Variants in UTP14A observed in about 807,000 individuals in gnomAD.
UTP14A encodes UTP14A small subunit processome component, also known as U3 small nucleolar RNA-associated protein 14 homolog A.
In UTP14A, 5 loss-of-function variants were observed where a neutral mutation model predicts 57.2. The ratio of observed to expected loss-of-function variants is 0.09; its 90% confidence interval spans 0.05 to 0.18. The LOEUF is 0.18. UTP14A is among the 10% of genes least tolerant of loss of function. The pLI is 1.00. For synonymous variants in UTP14A, 169 were observed against 210.9 expected (o/e 0.80, Z 1.72); for missense variants, 430 against 562.1 (o/e 0.76, Z 2.38).
rs1569340699 is a variant in UTP14A, at chrX:129,924,927, C to T, written c.1481C>T (p.Pro494Leu). ...IPQVQREEPA[P>L]EEEEPLLLQR... ...CAGGTCCAGAGAGAGGAACCTGCCCCAGAAGAAGAGGAGCCCCTGTTGCTA... is the reference window on the plus strand; with the variant it reads ...CAGGTCCAGAGAGAGGAACCTGCCCTAGAAGAAGAGGAGCCCCTGTTGCTA... Residue 494 changes from proline to leucine, a missense_variant, in exon 12 of 15, where the codon CCA becomes CTA. This residue lies in a region of UTP14A where 120 missense variants were observed against 116.8 expected (regional missense o/e 1.03). Coordinates refer to ENST00000394422, the MANE Select transcript of UTP14A (RefSeq NM_006649.4). 2.5e-6 allele frequency: 3 copies of T among 1,211,396 alleles called. No individual in the cohort carries two copies. The East Asian group carries it at 8.9e-5, about 36-fold the overall frequency.
At chrX:129,924,678 TC>T (rs1930035978) in intron 11 of UTP14A, 116 bp from the exon 12 acceptor site, 1 of 905,005 alleles carries the variant, frequency 1.1e-6, no homozygotes, top group Non-Finnish European at 1.5e-6. Context: ...TCCCCGTTTG[TC>T]CTTTTTATAA....
chrX:129,929,525 T>C lies in UTP14A; in HGVS notation c.2233T>C (p.Ser745Pro). 8.3e-7 allele frequency: 1 copy of C among 1,211,332 alleles called. No homozygotes were observed. Among genetic ancestry groups the C allele is most frequent in the Non-Finnish European group, 1.1e-6 (1 of 895,398 alleles). Residue 745 changes from serine to proline, a missense_variant, in exon 15 of 15, where the codon TCG becomes CCG. Ser to Pro is a moderately conservative substitution (Grantham distance 74). Coordinates refer to ENST00000394422, the MANE Select transcript of UTP14A (RefSeq NM_006649.4). ...CGTGGGCTACCGGTCTTCCTCAAGGTCGGACCTGTCTGTCATACAGAGGAA... is the reference window on the plus strand; with the variant it reads ...CGTGGGCTACCGGTCTTCCTCAAGGCCGGACCTGTCTGTCATACAGAGGAA... ...EDVGYRSSSR[S>P]DLSVIQRNPK...
Position 129,929,191 on chromosome X carries a change from C to G in UTP14A, c.2044-145C>G, listed in dbSNP as rs1281855987. The G allele has an allele frequency of 5.9e-5, 43 of 728,937 alleles. No individual in the cohort carries two copies. In the South Asian group the frequency reaches 1.2e-3, roughly 20 times the overall value. The allele number at this position is 728,937 out of a possible 1,213,427, so 60.1% of individuals were successfully genotyped here. On this transcript the variant is annotated intron_variant, in intron 14 of 14. Transcript: ENST00000394422. The stretch of plus-strand genomic sequence containing the variant: ...CTAAGGGCAGATGGGAGCAATGGGA[C>G]GCCTTGACCTCTCAGTCTCTTCACT...
intron 12 of UTP14A, among the ~76,000 whole-genome samples, chrX:129,925,514 A>G (rs1417712923): frequency 9.0e-6 from 1 of 111,598 alleles, no homozygotes; most frequent in Non-Finnish European, 1.9e-5. Context: ...CTGTTGCGAA[A>G]GTTTTATTCA....
intron 11 of UTP14A, chrX:129,922,804 C>A (rs1332620724): frequency 9.1e-6 from 1 of 109,484 alleles, no homozygotes; most frequent in Non-Finnish European, 1.9e-5. Flanking sequence ...ATTATAGGGA[C>A]CTTTACTTAA....
intron 4 of UTP14A, 107 bp downstream of exon 4, chrX:129,908,841 C>T (rs1004556282): frequency 1.7e-5 from 12 of 722,108 alleles, no homozygotes; most frequent in Non-Finnish European, 2.6e-5. Context: ...GTTAATGACT[C>T]ATACCATAAA....
intron 6 of UTP14A, among the ~76,000 whole-genome samples, chrX:129,913,913 G>A (rs1287529938): frequency 7.2e-5 from 8 of 111,407 alleles, no homozygotes; most frequent in South Asian, 7.6e-4. Context: ...CCTGGGAGGC[G>A]GAGGTTGCAG....
chrX:129,928,763 A>C (rs1930209417), intron 14 of UTP14A, among the ~76,000 whole-genome samples: 2 of 111,274 alleles, frequency 1.8e-5, no homozygotes, highest in South Asian at 7.5e-4. Context: ...CAAAAAACAA[A>C]AAAAAAATAT....
intron 4 of UTP14A, 71 bp downstream of exon 4, chrX:129,908,805 C>T (rs1201773403): frequency 9.9e-7 from 1 of 1,008,286 alleles, no homozygotes; most frequent in South Asian, 1.9e-5. Flanking sequence ...TTCACCTCAC[C>T]CCCCCTAGGA....
intron 7 of UTP14A, 28 bp from the exon 8 acceptor site, chrX:129,919,367 G>C: frequency 1.7e-6 from 2 of 1,211,480 alleles, no homozygotes; most frequent in African/African-American, 1.7e-5. Flanking sequence ...TCTGGCCCAG[G>C]TGTCACTGTA....
intron 6 of UTP14A, among the ~76,000 whole-genome samples, chrX:129,916,516 G>A (rs1929700880): frequency 9.0e-6 from 1 of 111,276 alleles, no homozygotes; most frequent in African/African-American, 3.3e-5. Flanking sequence ...CTCCCTCTCC[G>A]CCAGCTTATA....
At position 129,906,244 on chromosome X, in the gene UTP14A, G is replaced by A; in HGVS notation, c.26+8G>A. ...GAACCGGCTTGCAGAGAGGTGAAGG[G>A]CAACGAGGGGAGGGGGGATTCTGGG... On this transcript the variant is annotated splice_region_variant and intron_variant, in intron 1 of 14. Transcript: ENST00000394422. 1 of 1,201,462 alleles carries A rather than the reference G, an allele frequency of 8.3e-7. No homozygotes were observed. Among genetic ancestry groups the A allele is most frequent in the Non-Finnish European group, 1.1e-6 (1 of 888,885 alleles).
At chrX:129,914,591 C>T (rs1269980630) in intron 6 of UTP14A, among the ~76,000 whole-genome samples, 1 of 110,437 alleles carries the variant, frequency 9.1e-6, no homozygotes, top group Non-Finnish European at 1.9e-5. Flanking sequence ...CCCGCCCTCC[C>T]CCAAAAAAAA....
chrX:129,907,689 G>C (rs1422115665), intron 2 of UTP14A, among the ~76,000 whole-genome samples: 1 of 112,428 alleles, frequency 8.9e-6, no homozygotes, highest in Non-Finnish European at 1.9e-5. Context: ...CCGGGTGATG[G>C]CTCATGCCTG....
In UTP14A at chrX:129,926,008, G is replaced by A. The variant is rs760327965; in HGVS notation, c.1839G>A (p.Arg613=). 3.3e-6 allele frequency: 4 copies of A among 1,210,010 alleles called. No homozygotes were observed. The African/African-American group carries it at 5.2e-5, about 16-fold the overall frequency. The part of the protein sequence containing the change: ...DVIRDFLKEK[R]EAVEASKPKD... ...TCAGAGATTTCTTGAAAGAGAAGAG[G>A]GAAGCTGTGGAGGCGAGTAAGCCAA... is the stretch of plus-strand genomic sequence containing the variant. The change falls in exon 13 of 15, where the codon AGG becomes AGA. Residue 613 remains arginine (R), a synonymous_variant. Transcript: ENST00000394422.
At chrX:129,925,768 A>C (rs1241067308) in intron 12 of UTP14A, 151 bp from the exon 13 acceptor site, 2 of 650,181 alleles carry the variant, frequency 3.1e-6, no homozygotes, top group Non-Finnish European at 4.6e-6. Flanking sequence ...TTTGAGCATG[A>C]TTGGCTGTGC....
intron 11 of UTP14A, 147 bp from the exon 12 acceptor site, chrX:129,924,648 C>G: frequency 1.4e-6 from 1 of 739,605 alleles, no homozygotes; most frequent in Non-Finnish European, 2.0e-6. Flanking sequence ...CTAGGAGATT[C>G]AATGTACAGA....
intron 10 of UTP14A, 188 bp downstream of exon 10, chrX:129,920,940 A>G (rs1449247994): frequency 1.3e-6 from 1 of 752,803 alleles, no homozygotes; most frequent in African/African-American, 2.3e-5. Context: ...AACAGCATTG[A>G]AGGCAAGTCC....
intron 5 of UTP14A, 151 bp downstream of exon 5, chrX:129,911,301 T>G: frequency 2.5e-6 from 2 of 805,546 alleles, no homozygotes; most frequent in Non-Finnish European, 1.7e-6. Flanking sequence ...AATCTAGGAG[T>G]GCCAGGCGCG....
Sources: allele counts gnomAD v4.1 joint callset (sites outside exome capture counted in the v4.1 genomes callset), GRCh38; gene constraint gnomAD v4.1.1; regional missense constraint gnomAD v4.1.1; transcripts MANE v1.5; gene names NCBI Gene and HGNC (gene_info 2026-07-23, HGNC 2026-07-21).